Variants in PFKFB1 observed in about 807,000 individuals in gnomAD.
PFKFB1 encodes the protein 6-phosphofructo-2-kinase/fructose-2,6-biphosphatase 1.
In PFKFB1, 34 loss-of-function variants were observed where a neutral mutation model predicts 46.4. That is an observed-to-expected ratio of 0.73 (90% CI 0.56 to 0.98). PFKFB1 has a LOEUF of 0.98. Ranked by LOEUF, PFKFB1 falls within the 50% of genes least tolerant of loss-of-function variation. The pLI is 0.00. For synonymous variants in PFKFB1, 119 were observed against 133.8 expected (o/e 0.89, Z 0.76); for missense variants, 393 against 376.3 (o/e 1.04, Z -0.37).
intron 1 of PFKFB1, among the ~76,000 whole-genome samples, chrX:54,989,997 TAC>T (rs1207870557): frequency 1.6e-4 from 18 of 111,541 alleles, no homozygotes; most frequent in Non-Finnish European, 2.4e-4. Context: ...CATATGGCCA[TAC>T]GATTGTGAAT....
chrX:54,967,576 C>A (rs1934513776), intron 1 of PFKFB1, among the ~76,000 whole-genome samples: 1 of 75,736 alleles, frequency 1.3e-5, no homozygotes, highest in East Asian at 4.4e-4. Context: ...ACTCATCTGA[C>A]AAAGGGCTAA....
chrX:54,950,332 T>A (rs141023880), intron 8 of PFKFB1, among the ~76,000 whole-genome samples: 4,281 of 111,481 alleles, frequency 0.038, 225 homozygotes, highest in African/African-American at 0.13. Flanking sequence ...CTCGGACACA[T>A]CCCTGCCCCT....
At chrX:54,935,127 T>C in intron 11 of PFKFB1, 118 bp from the exon 12 acceptor site, 1 of 553,312 alleles carries the variant, frequency 1.8e-6, no homozygotes, top group Non-Finnish European at 3.1e-6. Flanking sequence ...TGGTGGGGCC[T>C]CACCAGGGGC....
upstream of PFKFB1, chrX:54,998,324 G>A: frequency 3.6e-6 from 3 of 836,197 alleles, no homozygotes; most frequent in Non-Finnish European, 5.2e-6. Flanking sequence ...AACCATCTAT[G>A]CAAAGAAAAC....
rs780602306 is a variant in PFKFB1 at position 54,951,416 on chromosome X, C to T, written c.846+489G>A. On this transcript the variant is annotated intron_variant, in intron 8 of 13. Transcript: ENST00000375006. ...GGAAGGACACTGTCATGAGTGGGGA[C>T]AGGGGCTGCCAGTGTGACACCTGCG... 1.3e-4 allele frequency among the ~76,000 whole-genome samples: 14 copies of T among 111,866 alleles called. No homozygotes were observed. The South Asian group carries it at 5.3e-3, about 42-fold the overall frequency.
chrX:54,962,323 A>T (rs913602604), intron 2 of PFKFB1, among the ~76,000 whole-genome samples: 2 of 112,041 alleles, frequency 1.8e-5, no homozygotes, highest in African/African-American at 6.5e-5. Flanking sequence ...TATCCTATGT[A>T]GGAAGCTTTC....
chrX:54,996,709 T>C (rs1935361827), upstream of PFKFB1, among the ~76,000 whole-genome samples: 1 of 111,762 alleles, frequency 8.9e-6, no homozygotes, highest in African/African-American at 3.3e-5. Flanking sequence ...TCCAGCCATA[T>C]CTCTCCTTAG....
chrX:54,952,175 G>A (rs765862449), intron 7 of PFKFB1, 63 bp from the exon 8 acceptor site: 74 of 900,231 alleles, frequency 8.2e-5, no homozygotes, highest in Non-Finnish European at 1.1e-4. Context: ...GGTTGACCCC[G>A]AGAGAAACCC....
intron 1 of PFKFB1, among the ~76,000 whole-genome samples, chrX:54,963,637 A>T (rs768362940): frequency 8.9e-6 from 1 of 112,598 alleles, no homozygotes; most frequent in East Asian, 2.8e-4. Context: ...ATACCACTGA[A>T]CAACATACAA....
At chrX:54,956,725 C>G (rs1934153690) in intron 6 of PFKFB1, among the ~76,000 whole-genome samples, 2 of 110,348 alleles carry the variant, frequency 1.8e-5, no homozygotes, top group African/African-American at 6.6e-5. Context: ...TCCCACAGTC[C>G]TCATCTCAGG....
chrX:54,983,519 T>C (rs921175042), intron 1 of PFKFB1, among the ~76,000 whole-genome samples: 1 of 112,302 alleles, frequency 8.9e-6, no homozygotes. Context: ...TATGGCTGCA[T>C]AGTATTCCAC....
rs1477639111 is a variant in PFKFB1 at position 54,958,846 on chromosome X, C to T, written c.459+5G>A. 6.1e-6 allele frequency: 7 copies of T among 1,138,422 alleles called. No individual in the cohort carries two copies. The highest frequency in any genetic ancestry group is 2.2e-5 in the Admixed American group (1 of 45,420). 93.8% of individuals were successfully genotyped at this position (1,138,422 alleles called of 1,213,427 possible). A position where few individuals can be genotyped will look rare whatever the true frequency, so the allele number is the denominator to read the frequency against. On this transcript the variant is annotated splice_donor_5th_base_variant and intron_variant, in intron 5 of 13. Coordinates refer to ENST00000375006, the MANE Select transcript of PFKFB1 (RefSeq NM_002625.4). ...CTCTAGATAAGAGTTGGAGTGTTAC[C>T]ATACCTTGTAACCATGTTCTTTTGC...
chrX:54,984,392 A>G (rs1344992559), intron 1 of PFKFB1, among the ~76,000 whole-genome samples: 2 of 112,066 alleles, frequency 1.8e-5, no homozygotes, highest in African/African-American at 3.2e-5. Flanking sequence ...TGAGACTTTC[A>G]TTTCTGGCAT....
rs181165049 is a variant in PFKFB1, at chrX:54,990,532, G to A, written c.97+3379C>T. On this transcript the variant is annotated intron_variant, in intron 1 of 13. Coordinates refer to ENST00000375006, the MANE Select transcript of PFKFB1 (RefSeq NM_002625.4). ...AGTTAAAATGTTAAAGGAGACACCA[G>A]GTCCAGATATTTTACCTGGAAATGC... 3.0e-3 allele frequency among the ~76,000 whole-genome samples: 334 copies of A among 111,425 alleles called. 3 individuals carry two copies. Among genetic ancestry groups the A allele is most frequent in the African/African-American group, 0.01 (320 of 30,743 alleles).
chrX:54,968,203 C>T (rs1391173882), intron 1 of PFKFB1, among the ~76,000 whole-genome samples: 1 of 66,669 alleles, frequency 1.5e-5, no homozygotes, highest in African/African-American at 5.6e-5. Flanking sequence ...TCATCATTCT[C>T]AGTAAACTAT....
intron 12 of PFKFB1, among the ~76,000 whole-genome samples, chrX:54,934,554 C>T (rs55682869): frequency 9.0e-6 from 1 of 111,618 alleles, no homozygotes; most frequent in Non-Finnish European, 1.9e-5. Flanking sequence ...TTGATTCTGT[C>T]CCTCCCCTGT....
At chrX:54,971,486 C>A (rs1455424702) in intron 1 of PFKFB1, among the ~76,000 whole-genome samples, 1 of 111,242 alleles carries the variant, frequency 9.0e-6, no homozygotes, top group Admixed American at 9.6e-5. Context: ...ATGTTTAAGT[C>A]TTTCATCCAT....
At chrX:54,952,287 T>C (rs770176292) in intron 7 of PFKFB1, among the ~76,000 whole-genome samples, 175 bp from the exon 8 acceptor site, 2 of 111,965 alleles carry the variant, frequency 1.8e-5, no homozygotes, top group African/African-American at 6.5e-5. Context: ...GACTTGGTTA[T>C]TGGCCACCCA....
chrX:54,998,607 T>C (rs1935389777), upstream of PFKFB1: 1 of 433,589 alleles, frequency 2.3e-6, no homozygotes, highest in African/African-American at 2.5e-5. Context: ...CTGTTGTAGT[T>C]GCCAAAGACG....
Sources: allele counts gnomAD v4.1 joint callset (sites outside exome capture counted in the v4.1 genomes callset), GRCh38; gene constraint gnomAD v4.1.1; transcripts MANE v1.5; gene names NCBI Gene and HGNC (gene_info 2026-07-23, HGNC 2026-07-21).